Variants in CNTNAP3B observed in about 807,000 individuals in gnomAD.
The protein encoded by CNTNAP3B is contactin-associated protein-like 3B.
Under a neutral mutation model 108.9 loss-of-function variants are expected in CNTNAP3B, and 25 were observed. That is an observed-to-expected ratio of 0.23 (90% CI 0.17 to 0.32). The LOEUF (loss-of-function observed/expected upper bound fraction) is 0.32, where lower values mean the gene tolerates loss of function less well. CNTNAP3B is among the 10% of genes least tolerant of loss of function. The pLI is 1.00. For missense variants in CNTNAP3B, 252 were observed against 1,210.4 expected, an observed-to-expected ratio of 0.21 and a Z score of 11.75; for synonymous variants, 103 against 473.4, an observed-to-expected ratio of 0.22 and a Z score of 10.16.
rs1292109514 is a variant in CNTNAP3B, at chr9:42,090,969, T to TAC, written c.196+13659_196+13660insGT. 1.5e-3 allele frequency among the ~76,000 whole-genome samples: 61 copies of TAC among 40,868 alleles called. 2 individuals are homozygous for TAC. Among genetic ancestry groups the TAC allele is most frequent in the Non-Finnish European group, 2.4e-3 (44 of 18,622 alleles). 26.8% of individuals were successfully genotyped at this position (40,868 alleles called of 152,430 possible). A position where few individuals can be genotyped will look rare whatever the true frequency, so the allele number is the denominator to read the frequency against. ...CACACTGACTCTCTCTAAATATATATATATACACACACACACACACACACA... is the reference window on the plus strand; with the variant it reads ...CACACTGACTCTCTCTAAATATATATACATATACACACACACACACACACACA... On this transcript the variant is annotated intron_variant, in intron 2 of 23. Coordinates refer to ENST00000377561, the MANE Select transcript of CNTNAP3B (RefSeq NM_001201380.3).
chr9:41,934,413 G>T lies in CNTNAP3B; in HGVS notation c.2237+3831C>A, dbSNP rs1340183476. On this transcript the variant is annotated intron_variant, in intron 14 of 23. Transcript: ENST00000377561. Reference sequence around the variant, plus strand: ...TTTTTTGTATTTTTAGTAGAGACGGGGTTTCACCTGTGTTAGCCAGGATGG... The same window carrying T: ...TTTTTTGTATTTTTAGTAGAGACGGTGTTTCACCTGTGTTAGCCAGGATGG... Among the ~76,000 whole-genome samples the T allele has an allele frequency of 1.5e-4, 23 of 152,318 alleles. No homozygotes were observed. In the East Asian group the frequency reaches 2.5e-3, roughly 17 times the overall value.
intron 14 of CNTNAP3B, among the ~76,000 whole-genome samples, chr9:41,934,404 T>C (rs1483966510): frequency 6.6e-6 from 1 of 152,264 alleles, no homozygotes; most frequent in Non-Finnish European, 1.5e-5. Context: ...GTATTTTTAG[T>C]AGAGACGGGG....
chr9:41,918,334 G>T lies in CNTNAP3B; in HGVS notation c.2995+1736C>A, dbSNP rs896155799. Among the ~76,000 whole-genome samples, 8 of 148,540 alleles carry T rather than the reference G, an allele frequency of 5.4e-5. 1 individual carries two copies. In the South Asian group the frequency reaches 8.5e-4, roughly 16 times the overall value. On this transcript the variant is annotated intron_variant, in intron 18 of 23. Coordinates refer to ENST00000377561, the MANE Select transcript of CNTNAP3B (RefSeq NM_001201380.3). ...TGGATAGAAAGGCTAATCCAAAGTG[G>T]TATCTACAGTATTCTGAGAGAGAAA...
intron 23 of CNTNAP3B, among the ~76,000 whole-genome samples, chr9:41,894,722 A>G (rs1379121504): frequency 0.01 from 2 of 192 alleles, no homozygotes; most frequent in South Asian, 0.045. Flanking sequence ...AAGACCGCGT[A>G]CATCCTTCAG....
chr9:41,938,657 C>T (rs368636614), intron 13 of CNTNAP3B, among the ~76,000 whole-genome samples: 205 of 152,156 alleles, frequency 1.3e-3, no homozygotes, highest in African/African-American at 4.6e-3. Context: ...GTCAGTTGCA[C>T]GTGATACATA....
rs1015588106 is a variant in CNTNAP3B, at chr9:42,114,747, G to T, written c.86-10008C>A. On this transcript the variant is annotated intron_variant, in intron 1 of 23. Transcript: ENST00000377561. The stretch of plus-strand genomic sequence containing the variant: ...CCCAAATGAAACCCAGAAAAAACAT[G>T]TTCCACTGAAGAAGAGAGAAATGGG... Among the ~76,000 whole-genome samples the T allele has an allele frequency of 6.1e-5, 8 of 132,126 alleles. 2 individuals are homozygous for T. The highest frequency in any genetic ancestry group is 9.5e-5 in the Non-Finnish European group (6 of 63,040). 86.7% of individuals were successfully genotyped at this position (132,126 alleles called of 152,430 possible).
At chr9:42,086,454 T>A (rs1827707193) in intron 2 of CNTNAP3B, among the ~76,000 whole-genome samples, 1 of 143,186 alleles carries the variant, frequency 7.0e-6, no homozygotes, top group Admixed American at 7.0e-5. Context: ...CATTTTTTTT[T>A]ACATTTTACA....
intron 9 of CNTNAP3B, among the ~76,000 whole-genome samples, chr9:41,973,119 AT>A (rs1201224841): frequency 1.5e-5 from 2 of 135,030 alleles, no homozygotes; most frequent in African/African-American, 2.9e-5. Context: ...TTTTTTTTGT[AT>A]TTTTTTTCAG....
intron 14 of CNTNAP3B, among the ~76,000 whole-genome samples, chr9:41,934,176 TACAC>T (rs1273718365): frequency 9.4e-6 from 1 of 106,102 alleles, no homozygotes; most frequent in East Asian, 2.6e-4. Context: ...CACATATATA[TACAC>T]ACACACACAT....
rs1469899956 is a variant in CNTNAP3B, at chr9:41,978,536, TA to T, written c.1477+7631del. Among the ~76,000 whole-genome samples the T allele has an allele frequency of 6.7e-5, 8 of 119,894 alleles. No individual in the cohort carries two copies. The Admixed American group carries it at 6.8e-4, about 10-fold the overall frequency. The allele number at this position is 119,894 out of a possible 152,430, so 78.7% of individuals were successfully genotyped here. ...GGCACAATGATGAAGGGAAGCTTCA[TA>T]AAGGGTGGTCTATTTAAAATCGGTT... On this transcript the variant is annotated intron_variant, in intron 9 of 23. Transcript: ENST00000377561.
chr9:41,918,325 T>A (rs1360402389), intron 18 of CNTNAP3B, among the ~76,000 whole-genome samples: 4 of 148,944 alleles, frequency 2.7e-5, no homozygotes, highest in Non-Finnish European at 6.0e-5. Context: ...GAAAGGCTAA[T>A]CCAAAGTGGT....
Position 41,990,378 on chromosome 9 carries a change from G to A in CNTNAP3B, c.1333+1232C>T, listed in dbSNP as rs1433962090. ...CATTTCTAAAAGATAAAAAATATAC[G>A]TCTCCTCTGAATATCTGTTTTATCT... On this transcript the variant is annotated intron_variant, in intron 8 of 23. Transcript: ENST00000377561. Among the ~76,000 whole-genome samples, 9 of 127,860 alleles carry A rather than the reference G, an allele frequency of 7.0e-5. 1 individual carries two copies. Among genetic ancestry groups the A allele is most frequent in the Admixed American group, 1.6e-4 (2 of 12,230 alleles). The allele number at this position is 127,860 out of a possible 152,430, so 83.9% of individuals were successfully genotyped here.
intron 1 of CNTNAP3B, among the ~76,000 whole-genome samples, chr9:42,108,663 A>G (rs1828128812): frequency 7.9e-6 from 1 of 127,062 alleles, no homozygotes; most frequent in Non-Finnish European, 1.7e-5. Flanking sequence ...TGCACGCTAG[A>G]CCAGAGGGTT....
rs1436702888 is a variant in CNTNAP3B at position 42,122,664 on chromosome 9, G to A, written c.85+6346C>T. Among the ~76,000 whole-genome samples the A allele has an allele frequency of 1.4e-5, 2 of 140,724 alleles. 1 individual carries two copies. Among genetic ancestry groups the A allele is most frequent in the Admixed American group, 1.4e-4 (2 of 14,192 alleles). 92.3% of individuals were successfully genotyped at this position (140,724 alleles called of 152,430 possible). A position where few individuals can be genotyped will look rare whatever the true frequency, so the allele number is the denominator to read the frequency against. ...TTATGGCAAATGTGCAGTTCTTAAA[G>A]ATGAGAATCATCAAACATATTTCTA... is the stretch of plus-strand genomic sequence containing the variant. On this transcript the variant is annotated intron_variant, in intron 1 of 23. Transcript: ENST00000377561.
At chr9:42,121,158 C>T (rs1354145756) in intron 1 of CNTNAP3B, among the ~76,000 whole-genome samples, 4 of 137,736 alleles carry the variant, frequency 2.9e-5, no homozygotes, top group Non-Finnish European at 6.2e-5. Context: ...ATGCATTCCC[C>T]CTGCTGTCTC....
chr9:41,925,523 GC>G (rs1823792290), intron 15 of CNTNAP3B, among the ~76,000 whole-genome samples: 2 of 152,396 alleles, frequency 1.3e-5, no homozygotes, highest in Non-Finnish European at 2.9e-5. Flanking sequence ...AACCCGGGAG[GC>G]GGAGCTTGCA....
At chr9:41,986,501 A>G (rs1020143419) in intron 8 of CNTNAP3B, among the ~76,000 whole-genome samples, 190 bp from the exon 9 acceptor site, 9 of 143,652 alleles carry the variant, frequency 6.3e-5, no homozygotes, top group Admixed American at 4.9e-4. Context: ...TAACACATGA[A>G]TAAAAATATT....
At chr9:41,894,387 C>A (rs1823384170) in intron 23 of CNTNAP3B, among the ~76,000 whole-genome samples, 1 of 88,988 alleles carries the variant, frequency 1.1e-5, no homozygotes, top group Non-Finnish European at 2.1e-5. Flanking sequence ...CTTGGCCTCC[C>A]AAATTGTTGG....
At position 42,049,563 on chromosome 9, in the gene CNTNAP3B, T is replaced by A. The variant is rs1826937539; in HGVS notation, c.390+27306A>T. ...CCAGCTGTGCGGGTGGGGTCCCTAT[T>A]CATGGTCTCCATCCTGGGGTCTGTA... is the stretch of plus-strand genomic sequence containing the variant. On this transcript the variant is annotated intron_variant, in intron 3 of 23. Coordinates refer to ENST00000377561, the MANE Select transcript of CNTNAP3B (RefSeq NM_001201380.3). Among the ~76,000 whole-genome samples the A allele has an allele frequency of 1.5e-5, 2 of 133,740 alleles. 1 individual carries two copies. The highest frequency in any genetic ancestry group is 5.0e-4 in the South Asian group (2 of 3,994). 87.7% of individuals were successfully genotyped at this position (133,740 alleles called of 152,430 possible). A position where few individuals can be genotyped will look rare whatever the true frequency, so the allele number is the denominator to read the frequency against.
Sources: allele counts gnomAD v4.1 joint callset (sites outside exome capture counted in the v4.1 genomes callset), GRCh38; gene constraint gnomAD v4.1.1; transcripts MANE v1.5; gene names NCBI Gene and HGNC (gene_info 2026-07-23, HGNC 2026-07-21).